DNASE1: variants seen among roughly 807,000 people sequenced by gnomAD.
DNASE1 encodes deoxyribonuclease 1.
Under a neutral mutation model 33.9 loss-of-function variants are expected in DNASE1, and 40 were observed. The ratio of observed to expected loss-of-function variants is 1.18; its 90% CI spans 0.92 to 1.54. The LOEUF is 1.54. Ranked by LOEUF, DNASE1 falls within the 40% of genes most tolerant of loss-of-function variation. The probability of loss-of-function intolerance (pLI) is 0.00; values close to 1 mark genes in which losing one functional copy is unlikely to be tolerated. For missense variants in DNASE1, 518 were observed against 372.6 expected (o/e 1.39, Z -3.21); for synonymous variants, 216 against 160.0 (o/e 1.35, Z -2.64).
rs201161491 is a variant in DNASE1 at position 3,655,448 on chromosome 16, C to T, written c.75C>T (p.Ile25=). 66 of 1,614,138 alleles carry T rather than the reference C, an allele frequency of 4.1e-5. No homozygotes were observed. Among genetic ancestry groups the T allele is most frequent in the African/African-American group, 2.1e-4 (16 of 75,056 alleles). The change falls in exon 2 of 9, where the codon ATC becomes ATT. Residue 25 remains isoleucine (I), a synonymous_variant. Coordinates refer to ENST00000246949, the MANE Select transcript of DNASE1 (RefSeq NM_005223.4). ...ALLQGAVSLK[I]AAFNIQTFGE... is the part of the protein sequence containing the mutation. ...TGCAGGGGGCCGTGTCCCTGAAGATCGCAGCCTTCAACATCCAGACATTTG... is the reference window on the plus strand; with the variant it reads ...TGCAGGGGGCCGTGTCCCTGAAGATTGCAGCCTTCAACATCCAGACATTTG...
At chr16:3,661,108 T>C (rs905313034), downstream of DNASE1, 1 of 152,106 alleles carries the variant, frequency 6.6e-6, no homozygotes, top group Non-Finnish European at 1.5e-5. Context: ...ATATACAAGT[T>C]AGAAAATGAA....
rs2042543453 is a variant in DNASE1, at chr16:3,655,505, C to T, written c.132C>T (p.Val44=). The change falls in exon 2 of 9, where the codon GTC becomes GTT. Residue 44 remains valine, a synonymous_variant. Coordinates refer to ENST00000246949, the MANE Select transcript of DNASE1 (RefSeq NM_005223.4). The part of the protein sequence containing the change: ...GETKMSNATL[V]SYIVQILSRY... ...CCAAGATGTCCAATGCCACCCTCGTCAGCTACATTGTGCAGGTGAGGCCAG... is the reference window on the plus strand; with the variant it reads ...CCAAGATGTCCAATGCCACCCTCGTTAGCTACATTGTGCAGGTGAGGCCAG... 8 of 1,614,174 alleles carry T rather than the reference C, an allele frequency of 5.0e-6. No homozygotes were observed. Among genetic ancestry groups the T allele is most frequent in the Non-Finnish European group, 6.8e-6 (8 of 1,180,036 alleles).
chr16:3,658,382 AGTGCTGGG>A, downstream of DNASE1: 1 of 670,804 alleles, frequency 1.5e-6, no homozygotes, highest in Non-Finnish European at 2.5e-6. Context: ...CGCCTCCCAA[AGTGCTGGG>A]ATTACAGGCG....
intron 4 of DNASE1, 28 bp downstream of exon 4, chr16:3,656,213 C>T: frequency 1.2e-6 from 2 of 1,608,994 alleles, no homozygotes; most frequent in Non-Finnish European, 1.7e-6. Flanking sequence ...CCAGGAAGCC[C>T]CTCCCTCACC....
chr16:3,624,717 G>A (rs551737309), intron 1 of DNASE1, among the ~76,000 whole-genome samples: 12 of 152,092 alleles, frequency 7.9e-5, no homozygotes, highest in South Asian at 6.2e-4. Flanking sequence ...TTACTTTGTC[G>A]TCACCCAGGC....
chr16:3,625,023 G>A (rs1284781399), intron 1 of DNASE1, among the ~76,000 whole-genome samples: 1 of 152,068 alleles, frequency 6.6e-6, no homozygotes, highest in Non-Finnish European at 1.5e-5. Context: ...AAACTTAATG[G>A]GGGCCGGGGG....
At chr16:3,657,691 A>G (rs2042775991) in intron 7 of DNASE1, 29 bp from the exon 8 acceptor site, 2 of 1,613,086 alleles carry the variant, frequency 1.2e-6, no homozygotes, top group African/African-American at 1.3e-5. Context: ...TGAAAGGGGA[A>G]CCTACTTTCT....
At chr16:3,661,088 A>G (rs1452465524), downstream of DNASE1, 3 of 152,176 alleles carry the variant, frequency 2.0e-5, no homozygotes, top group Non-Finnish European at 4.4e-5. Flanking sequence ...CTTCATATAC[A>G]AGTTAGTTCA....
exon 10 of DNASE1, chr16:3,663,408 A>G: frequency 6.2e-7 from 1 of 1,613,962 alleles, no homozygotes; most frequent in Non-Finnish European, 8.5e-7. Flanking sequence ...ACGCCTAGAG[A>G]GCAGGGGATG....
chr16:3,624,315 A>C (rs1222919639), intron 1 of DNASE1, among the ~76,000 whole-genome samples: 2 of 151,902 alleles, frequency 1.3e-5, no homozygotes, highest in Non-Finnish European at 2.9e-5. Context: ...TTGGTTAGCA[A>C]GGTCTTCTCT....
chr16:3,656,956 G>GC, intron 5 of DNASE1, 43 bp from the exon 6 acceptor site: 1 of 1,602,398 alleles, frequency 6.2e-7, no homozygotes. Context: ...GACTGAACCT[G>GC]CCCCCAGGGA....
chr16:3,625,537 C>T (rs376705671), intron 1 of DNASE1, among the ~76,000 whole-genome samples: 1 of 151,240 alleles, frequency 6.6e-6, no homozygotes, highest in South Asian at 2.1e-4. Flanking sequence ...GAAATGGGAT[C>T]GCTTGAGCCC....
At chr16:3,633,355 C>T (rs867925799) in intron 1 of DNASE1, among the ~76,000 whole-genome samples, 16 of 152,104 alleles carry the variant, frequency 1.1e-4, no homozygotes, top group East Asian at 3.9e-4. Flanking sequence ...GCCTGTAATC[C>T]CAGCACTTTG....
exon 10 of DNASE1, chr16:3,663,379 G>C (rs565470567): frequency 3.7e-6 from 6 of 1,611,718 alleles, no homozygotes; most frequent in South Asian, 1.1e-5. Flanking sequence ...GAGGCGTGCG[G>C]GGAGTGGAAA....
At chr16:3,648,380 G>C (rs2042234639) in intron 1 of DNASE1, among the ~76,000 whole-genome samples, 1 of 152,140 alleles carries the variant, frequency 6.6e-6, no homozygotes, top group Non-Finnish European at 1.5e-5. Context: ...GGCTAACATG[G>C]TGAAATCCCG....
intron 4 of DNASE1, among the ~76,000 whole-genome samples, 156 bp from the exon 5 acceptor site, chr16:3,656,482 C>T (rs1037339630): frequency 6.0e-5 from 8 of 133,146 alleles, no homozygotes; most frequent in East Asian, 2.3e-4. Flanking sequence ...CTGGCTCCCC[C>T]GCCCTCCTGT....
At chr16:3,650,393 A>G (rs908681125), upstream of DNASE1, among the ~76,000 whole-genome samples, 4 of 152,286 alleles carry the variant, frequency 2.6e-5, no homozygotes, top group African/African-American at 9.6e-5. Flanking sequence ...TGTTTGAGGG[A>G]AAAAAAGCTG....
chr16:3,645,785 G>A (rs1375645764), intron 1 of DNASE1, among the ~76,000 whole-genome samples: 1 of 152,168 alleles, frequency 6.6e-6, no homozygotes, highest in African/African-American at 2.4e-5. Context: ...TTCCCATCCT[G>A]GGTTAACACT....
intron 1 of DNASE1, among the ~76,000 whole-genome samples, chr16:3,644,206 G>A (rs1259566329): frequency 6.6e-6 from 1 of 152,192 alleles, no homozygotes; most frequent in Admixed American, 6.5e-5. Flanking sequence ...ACTTTGGGAA[G>A]CTGAGGTGAA....
Sources: gnomAD v4.1 joint callset for allele counts (sites outside exome capture counted in the v4.1 genomes callset) on GRCh38, gnomAD v4.1.1 for gene constraint, MANE v1.5 for transcripts, NCBI Gene and HGNC (gene_info 2026-07-23, HGNC 2026-07-21) for gene names.